LRPPRC: variants seen among roughly 807,000 people sequenced by gnomAD.
The protein encoded by LRPPRC is leucine rich pentatricopeptide repeat containing, also known as leucine-rich PPR motif-containing protein, mitochondrial.
Under a neutral mutation model 180.3 loss-of-function variants are expected in LRPPRC, and 120 were observed. The observed-to-expected ratio is 0.67, with a 90% CI of 0.57 to 0.77. The LOEUF (loss-of-function observed/expected upper bound fraction) is 0.77, where lower values mean the gene tolerates loss of function less well. Among genes scored for constraint, LRPPRC ranks in the 30% least tolerant of loss-of-function variants. The pLI is 0.00. For missense variants in LRPPRC, 2,012 were observed against 1,657.2 expected (o/e 1.21, Z -3.72); for synonymous variants, 723 against 600.0 (o/e 1.21, Z -3.00).
intron 36 of LRPPRC, among the ~76,000 whole-genome samples, chr2:43,890,909 A>C (rs897606446): frequency 4.6e-5 from 7 of 152,080 alleles, no homozygotes; most frequent in African/African-American, 1.7e-4. Flanking sequence ...CAACTCCTTA[A>C]TTTTGCATTA....
intron 34 of LRPPRC, among the ~76,000 whole-genome samples, chr2:43,897,238 AACAG>A (rs1435876407): frequency 1.3e-5 from 2 of 152,214 alleles, no homozygotes; most frequent in African/African-American, 2.4e-5. Context: ...CTTTCACTGC[AACAG>A]ACAGCCAGCG....
chr2:43,934,669 T>C, intron 24 of LRPPRC, 85 bp downstream of exon 24: 1 of 1,213,628 alleles, frequency 8.2e-7, no homozygotes, highest in Non-Finnish European at 1.2e-6. Context: ...GCTGGCCTTC[T>C]GCTGGTTTCT....
chr2:43,934,236 G>A lies in LRPPRC; in HGVS notation c.2690C>T (p.Ala897Val). 4.3e-6 allele frequency: 7 copies of A among 1,612,092 alleles called. No individual in the cohort carries two copies. The highest frequency in any genetic ancestry group is 5.1e-6 in the Non-Finnish European group (6 of 1,178,648). The change falls in exon 25 of 38, where the codon GCC becomes GTC. Residue 897 changes from alanine (A) to valine (V), a missense_variant. Transcript: ENST00000260665. ...EMVMLYDLFF[A>V]FLQTGNYKEA... is the part of the protein sequence containing the mutation. ...TTTGTAATTTCCTGTTTGTAGGAAG[G>A]CAAAGAAGAGATCATAGAGCATCAC...
intron 30 of LRPPRC, among the ~76,000 whole-genome samples, chr2:43,906,405 A>G (rs888187490): frequency 6.6e-6 from 1 of 152,198 alleles, no homozygotes; most frequent in Non-Finnish European, 1.5e-5. Context: ...CCAACTTTTA[A>G]AACTCAAGAG....
chr2:43,890,120 A>G (rs1454325848), intron 36 of LRPPRC: 6 of 545,584 alleles, frequency 1.1e-5, no homozygotes, highest in African/African-American at 9.5e-5. Flanking sequence ...AAAGGACTTT[A>G]GAATAATATT....
At position 43,888,064 on chromosome 2, in the gene LRPPRC, G is replaced by A. The variant is rs752229013; in HGVS notation, c.*536C>T. ...TCCCCTGACCAAGCACAAGTAACAG[G>A]CCCTTTGGGTCTCTGCTTCTCACTG... On this transcript the variant is annotated 3_prime_UTR_variant, in exon 38 of 38. Coordinates refer to ENST00000260665, the MANE Select transcript of LRPPRC (RefSeq NM_133259.4). The A allele has an allele frequency of 6.3e-6, 1 of 157,554 alleles. No individual in the cohort carries two copies. Among genetic ancestry groups the A allele is most frequent in the South Asian group, 1.9e-4 (1 of 5,306 alleles). The allele number at this position is 157,554 out of a possible 1,614,324, so 9.8% of individuals were successfully genotyped here.
chr2:43,893,265 A>T (rs1670559614), intron 36 of LRPPRC, among the ~76,000 whole-genome samples: 1 of 152,370 alleles, frequency 6.6e-6, no homozygotes, highest in South Asian at 2.1e-4. Context: ...ACATAAATTT[A>T]GTTAATAAAG....
Position 43,946,227 on chromosome 2 carries a change from A to G in LRPPRC, c.2096T>C (p.Leu699Pro). ...GGATTCATATTTTGCTTTCAATTCAAGGGCTTTTTGCATATTCTAAAATAC... is the reference window on the plus strand; with the variant it reads ...GGATTCATATTTTGCTTTCAATTCAGGGGCTTTTTGCATATTCTAAAATAC... ...LCSEENMQKA[L>P]ELKAKYESDM... Residue 699 changes from leucine (L) to proline (P), a missense_variant, in exon 21 of 38, where the codon CTT (leucine) becomes CCT (proline). By Grantham distance (98) the Leu-to-Pro change is moderately conservative (BLOSUM62 -3). Transcript: ENST00000260665. The G allele has an allele frequency of 6.2e-7, 1 of 1,611,818 alleles. No individual in the cohort carries two copies. The highest frequency in any genetic ancestry group is 8.5e-7 in the Non-Finnish European group (1 of 1,178,208).
chr2:43,929,615 A>G (rs894998320), intron 25 of LRPPRC, among the ~76,000 whole-genome samples: 13 of 152,090 alleles, frequency 8.5e-5, no homozygotes, highest in African/African-American at 3.1e-4. Flanking sequence ...AAAAACCTAC[A>G]TGTAAGTGGA....
Position 43,946,104 on chromosome 2 carries a change from G to T in LRPPRC, c.2210+9C>A. 1 of 1,611,928 alleles carries T rather than the reference G, an allele frequency of 6.2e-7. No individual in the cohort carries two copies. Among genetic ancestry groups the T allele is most frequent in the South Asian group, 1.1e-5 (1 of 91,044 alleles). On this transcript the variant is annotated intron_variant, in intron 21 of 37. Transcript: ENST00000260665. ...TGTTGACAACTTGTTTCAGTGCCAG[G>T]GTACTCACAATTCTTCTTTCAAGTT...
At chr2:43,921,538 A>G (rs1671699693) in intron 27 of LRPPRC, among the ~76,000 whole-genome samples, 1 of 152,216 alleles carries the variant, frequency 6.6e-6, no homozygotes, top group Non-Finnish European at 1.5e-5. Context: ...AGGATATAAA[A>G]GAATCAAAAT....
Position 43,975,108 on chromosome 2 carries a change from T to C in LRPPRC, c.847A>G (p.Ile283Val). ...AGTCATACCTGCTTAACATGGTCAATGTCGCCCTTCTCAGCATATGCATTC... is the reference window on the plus strand; with the variant it reads ...AGTCATACCTGCTTAACATGGTCAACGTCGCCCTTCTCAGCATATGCATTC... ...LLNAYAEKGDIDHVKQTLEKV... is the reference protein window; with the variant it reads ...LLNAYAEKGDVDHVKQTLEKV... Residue 283 changes from isoleucine to valine, a missense_variant, in exon 7 of 38, where the codon ATT becomes GTT. Physicochemically the swap from Ile to Val is conservative, Grantham distance 29 (BLOSUM62 3). Coordinates refer to ENST00000260665, the MANE Select transcript of LRPPRC (RefSeq NM_133259.4). The C allele has an allele frequency of 5.0e-6, 8 of 1,613,374 alleles. No individual in the cohort carries two copies. Among genetic ancestry groups the C allele is most frequent in the African/African-American group, 1.3e-5 (1 of 75,058 alleles).
At chr2:43,923,177 TAAAAAA>T in intron 27 of LRPPRC, among the ~76,000 whole-genome samples, 1 of 130,554 alleles carries the variant, frequency 7.7e-6, no homozygotes, top group East Asian at 2.2e-4. Context: ...TTTGTTTCTT[TAAAAAA>T]AAAAAAAAAA....
intron 36 of LRPPRC, among the ~76,000 whole-genome samples, chr2:43,891,354 G>C (rs2104973582): frequency 6.6e-6 from 1 of 152,308 alleles, no homozygotes; most frequent in South Asian, 2.1e-4. Context: ...GCACTTTACA[G>C]ATGTTGCGTT....
chr2:43,926,411 A>T (rs1036466564), intron 25 of LRPPRC, among the ~76,000 whole-genome samples: 1 of 152,056 alleles, frequency 6.6e-6, no homozygotes, highest in Non-Finnish European at 1.5e-5. Flanking sequence ...ATTTTTTTTT[A>T]GACAGAGTCT....
At chr2:43,986,465 T>C (rs937662940) in intron 1 of LRPPRC, among the ~76,000 whole-genome samples, 8 of 152,180 alleles carry the variant, frequency 5.3e-5, no homozygotes, top group African/African-American at 1.7e-4. Flanking sequence ...TCCACTTTTT[T>C]TCTTCTTCAC....
chr2:43,890,259 C>T (rs372799489), intron 36 of LRPPRC: 15 of 431,650 alleles, frequency 3.5e-5, no homozygotes, highest in African/African-American at 3.1e-4. Flanking sequence ...ACTGTGAAAT[C>T]AAGATAATCC....
chr2:43,985,661 C>G (rs1259654513), intron 1 of LRPPRC, among the ~76,000 whole-genome samples: 1 of 152,168 alleles, frequency 6.6e-6, no homozygotes, highest in Non-Finnish European at 1.5e-5. Flanking sequence ...CACAGCATGA[C>G]GGCGCACTTC....
chr2:43,907,306 T>C (rs1363547951), intron 30 of LRPPRC, among the ~76,000 whole-genome samples: 5 of 152,222 alleles, frequency 3.3e-5, no homozygotes, highest in African/African-American at 7.2e-5. Flanking sequence ...CCTACATATG[T>C]AGAAACTGAC....
Sources: gnomAD v4.1 joint callset for allele counts (sites outside exome capture counted in the v4.1 genomes callset) on GRCh38, gnomAD v4.1.1 for gene constraint, MANE v1.5 for transcripts, NCBI Gene and HGNC (gene_info 2026-07-23, HGNC 2026-07-21) for gene names.